The following KDM4C variants were observed in gnomAD, a reference collection of about 807,000 sequenced individuals.
The protein encoded by KDM4C is lysine demethylase 4C, also known as lysine-specific demethylase 4C.
KDM4C carries 81 observed loss-of-function variants against 129.3 expected under a neutral mutation model. That is an observed-to-expected ratio of 0.63 (90% CI 0.52 to 0.75). KDM4C has a LOEUF of 0.75. KDM4C is among the 30% of genes least tolerant of loss of function. The probability of loss-of-function intolerance (pLI) is 0.00; values close to 1 mark genes in which losing one functional copy is unlikely to be tolerated. For synonymous variants in KDM4C, 573 were observed against 456.1 expected (o/e 1.26, Z -3.26); for missense variants, 1,457 against 1,304.0 (o/e 1.12, Z -1.81).
chr9:6,925,268 G>A, intron 8 of KDM4C: 1 of 985,276 alleles, frequency 1.0e-6, no homozygotes, highest in Non-Finnish European at 1.2e-6. Context: ...CATTGTAGGA[G>A]GTAGTTACTA....
At chr9:7,028,055 C>T (rs1826088478) in intron 15 of KDM4C, among the ~76,000 whole-genome samples, 1 of 152,118 alleles carries the variant, frequency 6.6e-6, no homozygotes, top group Non-Finnish European at 1.5e-5. Flanking sequence ...ATTGAGGACC[C>T]CAAGATCCTG....
intron 4 of KDM4C, among the ~76,000 whole-genome samples, chr9:6,830,650 G>C (rs928898574): frequency 2.0e-5 from 3 of 152,142 alleles, no homozygotes; most frequent in Non-Finnish European, 4.4e-5. Context: ...GAGAATTATT[G>C]TTAGTTTTCC....
intron 15 of KDM4C, among the ~76,000 whole-genome samples, chr9:7,025,912 A>C (rs553415885): frequency 6.6e-6 from 1 of 152,258 alleles, no homozygotes; most frequent in South Asian, 2.1e-4. Flanking sequence ...TTTCTGATTG[A>C]AAAACTCCCA....
Position 7,007,386 on chromosome 9 carries a change from T to C in KDM4C, c.1787-4312T>C, listed in dbSNP as rs1190764637. Among the ~76,000 whole-genome samples, 5 of 152,340 alleles carry C rather than the reference T, an allele frequency of 3.3e-5. No homozygotes were observed. The East Asian group carries it at 7.7e-4, about 23-fold the overall frequency. On this transcript the variant is annotated intron_variant, in intron 12 of 21. Coordinates refer to ENST00000381309, the MANE Select transcript of KDM4C (RefSeq NM_015061.6). ...ACTGAGGAAGAAAAAAATGAAGTGC[T>C]CTTGGCATAAAATCTTTGTTTTCTT...
chr9:6,885,180 A>AC (rs1002975726), intron 6 of KDM4C, among the ~76,000 whole-genome samples: 4 of 152,122 alleles, frequency 2.6e-5, no homozygotes, highest in East Asian at 1.9e-4. Flanking sequence ...TTTGTACTTA[A>AC]CCACTCTCCC....
intron 1 of KDM4C, among the ~76,000 whole-genome samples, chr9:6,746,313 G>A (rs1290648264): frequency 7.4e-6 from 1 of 134,336 alleles, no homozygotes; most frequent in Non-Finnish European, 1.5e-5. Flanking sequence ...CTGTCGCCCA[G>A]GCTGGAGTGC....
intron 1 of KDM4C, among the ~76,000 whole-genome samples, chr9:6,728,373 A>C (rs2130197616): frequency 6.6e-6 from 1 of 151,554 alleles, no homozygotes; most frequent in Admixed American, 6.6e-5. Context: ...GTCTTTACTA[A>C]AAGTACAAAA....
At chr9:6,827,691 G>A (rs1834118472) in intron 4 of KDM4C, among the ~76,000 whole-genome samples, 1 of 152,148 alleles carries the variant, frequency 6.6e-6, no homozygotes, top group Admixed American at 6.5e-5. Flanking sequence ...ATAACAAATC[G>A]TTCAAAGCCA....
chr9:7,000,673 C>G (rs757356569), intron 12 of KDM4C, among the ~76,000 whole-genome samples: 4 of 151,956 alleles, frequency 2.6e-5, no homozygotes, highest in Non-Finnish European at 4.4e-5. Context: ...ATTTTTTTTA[C>G]TCTATGAAAA....
chr9:6,748,896 G>T (rs752138563), intron 1 of KDM4C: 7 of 960,296 alleles, frequency 7.3e-6, no homozygotes, highest in Middle Eastern at 2.1e-4. Flanking sequence ...CTGAATCTGC[G>T]ATCTATTTTG....
In KDM4C at chr9:7,130,982, T is replaced by G. The variant is rs556713503; in HGVS notation, c.2781+2746T>G. On this transcript the variant is annotated intron_variant, in intron 19 of 21. Transcript: ENST00000381309. Reference sequence around the variant, plus strand: ...TGGTGTCGAACTGCGTTGCCCGGGCTGGTCTCAAACTCTTGGGCTCAAGTG... The same window carrying G: ...TGGTGTCGAACTGCGTTGCCCGGGCGGGTCTCAAACTCTTGGGCTCAAGTG... Among the ~76,000 whole-genome samples, 6 of 151,662 alleles carry G rather than the reference T, an allele frequency of 4.0e-5. No individual in the cohort carries two copies. The South Asian group carries it at 1.3e-3, about 32-fold the overall frequency.
At chr9:6,991,399 T>A (rs1047180688) in intron 12 of KDM4C, among the ~76,000 whole-genome samples, 1 of 152,128 alleles carries the variant, frequency 6.6e-6, no homozygotes, top group African/African-American at 2.4e-5. Flanking sequence ...CTTCTCACCT[T>A]TCTTTTATAA....
chr9:7,034,020 T>G (rs1442924870), intron 15 of KDM4C, among the ~76,000 whole-genome samples: 1 of 152,030 alleles, frequency 6.6e-6, no homozygotes, highest in Non-Finnish European at 1.5e-5. Context: ...TTTTTTTTTT[T>G]TGGTGGTGGT....
chr9:6,848,588 G>A (rs182130379), intron 4 of KDM4C, among the ~76,000 whole-genome samples: 1 of 152,056 alleles, frequency 6.6e-6, no homozygotes, highest in East Asian at 1.9e-4. Context: ...AGAATTGCTC[G>A]AACCTGGGAG....
chr9:7,038,197 G>A (rs558908059), intron 15 of KDM4C, among the ~76,000 whole-genome samples: 2 of 151,954 alleles, frequency 1.3e-5, no homozygotes, highest in East Asian at 3.9e-4. Flanking sequence ...CTTGTAAAAA[G>A]GTTTAATTTC....
chr9:6,768,125 G>A (rs933257737), intron 1 of KDM4C, among the ~76,000 whole-genome samples: 6 of 151,896 alleles, frequency 4.0e-5, no homozygotes, highest in Admixed American at 2.0e-4. Context: ...TTTTTCAGTC[G>A]ACCGAGAGTG....
At chr9:6,808,783 T>C (rs1830610993) in intron 3 of KDM4C, among the ~76,000 whole-genome samples, 1 of 151,134 alleles carries the variant, frequency 6.6e-6, no homozygotes, top group Non-Finnish European at 1.5e-5. Flanking sequence ...TAGCCTACAC[T>C]CAAGGGGAGG....
At chr9:6,925,060 C>T (rs936999075) in intron 8 of KDM4C, 9 of 985,096 alleles carry the variant, frequency 9.1e-6, no homozygotes, top group African/African-American at 7.0e-5. Context: ...GAACATTCAA[C>T]GAAACATGCA....
intron 8 of KDM4C, among the ~76,000 whole-genome samples, chr9:6,913,110 C>T (rs909826659): frequency 1.4e-4 from 22 of 152,084 alleles, no homozygotes; most frequent in African/African-American, 5.3e-4. Flanking sequence ...GGTTAAGTAA[C>T]GATGGTTTTA....
Sources: allele counts gnomAD v4.1 joint callset (sites outside exome capture counted in the v4.1 genomes callset), GRCh38; gene constraint gnomAD v4.1.1; transcripts MANE v1.5; gene names NCBI Gene and HGNC (gene_info 2026-07-23, HGNC 2026-07-21).